Variants in REDIC1 observed in about 807,000 individuals in gnomAD.
REDIC1 encodes the protein regulator of DNA class I crossover intermediates 1.
the REDIC1 span, chr12:39,626,456 A>G: frequency 6.7e-7 from 1 of 1,493,516 alleles, no homozygotes; most frequent in South Asian, 1.2e-5. Flanking sequence ...GCTGGAAAGA[A>G]CTTGGTAGGA....
At chr12:39,830,210 C>G in the REDIC1 span, 1 of 1,613,186 alleles carries the variant, frequency 6.2e-7, no homozygotes, top group Admixed American at 1.7e-5. Flanking sequence ...CTGGATCCAA[C>G]ATACATTCAT....
chr12:39,740,645 C>G, the REDIC1 span, among the ~76,000 whole-genome samples: 1 of 151,992 alleles, frequency 6.6e-6, no homozygotes, highest in African/African-American at 2.4e-5. Context: ...ATCAGTGAGA[C>G]CCTGTGCTGT....
the REDIC1 span, among the ~76,000 whole-genome samples, chr12:39,906,561 T>C: frequency 1.3e-5 from 2 of 152,146 alleles, no homozygotes; most frequent in Non-Finnish European, 2.9e-5. Flanking sequence ...AAAGAAACCA[T>C]TTTATTTCAT....
chr12:39,634,338 C>T, the REDIC1 span, among the ~76,000 whole-genome samples: 3,070 of 151,992 alleles, frequency 0.02, 41 homozygotes, highest in Non-Finnish European at 0.028. Flanking sequence ...TGGGCTGAGA[C>T]GATTGGGTTT....
chr12:39,712,121 T>TATAA, the REDIC1 span, among the ~76,000 whole-genome samples: 1 of 141,132 alleles, frequency 7.1e-6, no homozygotes, highest in Non-Finnish European at 1.5e-5. Context: ...TACCTGTATA[T>TATAA]ATACCTGTAT....
At chr12:39,704,230 A>T in the REDIC1 span, among the ~76,000 whole-genome samples, 29 of 152,324 alleles carry the variant, frequency 1.9e-4, no homozygotes, top group African/African-American at 6.0e-4. Context: ...TTTACAAGAA[A>T]AAAAAACAAC....
At chr12:39,774,845 C>A in the REDIC1 span, among the ~76,000 whole-genome samples, 2 of 151,968 alleles carry the variant, frequency 1.3e-5, no homozygotes, top group Admixed American at 1.3e-4. Context: ...ACCTTATATA[C>A]CCCAAGTATG....
the REDIC1 span, among the ~76,000 whole-genome samples, chr12:39,811,900 TTCTG>T: frequency 6.6e-6 from 1 of 152,202 alleles, no homozygotes; most frequent in South Asian, 2.1e-4. Context: ...TTACTGGAGT[TTCTG>T]TCTTTTATTG....
the REDIC1 span, among the ~76,000 whole-genome samples, chr12:39,818,194 T>C: frequency 1.3e-5 from 2 of 151,758 alleles, no homozygotes; most frequent in African/African-American, 2.4e-5. Flanking sequence ...ACCCACAGAG[T>C]TCCTAAAATC....
At chr12:39,651,224 A>G in the REDIC1 span, among the ~76,000 whole-genome samples, 1 of 152,220 alleles carries the variant, frequency 6.6e-6, no homozygotes, top group Admixed American at 6.5e-5. Flanking sequence ...ATAAGAATGT[A>G]GTCTCTTGGT....
the REDIC1 span, among the ~76,000 whole-genome samples, chr12:39,627,154 A>G: frequency 2.1e-3 from 315 of 152,326 alleles, 1 homozygote; most frequent in Admixed American, 0.019. Flanking sequence ...TGAATTCTAA[A>G]GAATTTATCG....
chr12:39,874,874 T>C, the REDIC1 span, among the ~76,000 whole-genome samples: 1 of 152,192 alleles, frequency 6.6e-6, no homozygotes, highest in Non-Finnish European at 1.5e-5. Context: ...GAAGCCTATT[T>C]CAAATCATTA....
chr12:39,705,149 G>A, the REDIC1 span, among the ~76,000 whole-genome samples: 1 of 151,868 alleles, frequency 6.6e-6, no homozygotes, highest in African/African-American at 2.4e-5. Context: ...GCTTATAACA[G>A]GAATTCAAAG....
At chr12:39,787,704 A>G in the REDIC1 span, among the ~76,000 whole-genome samples, 1 of 151,182 alleles carries the variant, frequency 6.6e-6, no homozygotes, top group Non-Finnish European at 1.5e-5. Context: ...ATGCAAATGA[A>G]TAAATAGCAA....
the REDIC1 span, among the ~76,000 whole-genome samples, chr12:39,895,884 G>A: frequency 0.48 from 2,572 of 5,402 alleles, 1,024 homozygotes; most frequent in Middle Eastern, 0.75. Context: ...ATATGTATAT[G>A]CGTGTATATG....
At chr12:39,737,988 C>T in the REDIC1 span, among the ~76,000 whole-genome samples, 14 of 152,048 alleles carry the variant, frequency 9.2e-5, no homozygotes, top group Non-Finnish European at 1.5e-4. Flanking sequence ...ATTTCAGTAA[C>T]ACAGAGAATA....
At chr12:39,699,225 G>C in the REDIC1 span, among the ~76,000 whole-genome samples, 2 of 152,146 alleles carry the variant, frequency 1.3e-5, no homozygotes, top group African/African-American at 2.4e-5. Flanking sequence ...GACAGTGGGC[G>C]CAGGTCAGTG....
the REDIC1 span, among the ~76,000 whole-genome samples, chr12:39,885,393 A>G: frequency 6.6e-6 from 1 of 152,176 alleles, no homozygotes; most frequent in East Asian, 1.9e-4. Context: ...TTATTCAGTC[A>G]TCTAACATGT....
At chr12:39,899,079 T>C in the REDIC1 span, among the ~76,000 whole-genome samples, 1 of 152,248 alleles carries the variant, frequency 6.6e-6, no homozygotes, top group African/African-American at 2.4e-5. Context: ...CTTGTACCTC[T>C]GGTAGAATTC....
Sources: gnomAD v4.1 joint callset for allele counts (sites outside exome capture counted in the v4.1 genomes callset) on GRCh38, gnomAD v4.1.1 for gene constraint, MANE v1.5 for transcripts, NCBI Gene and HGNC (gene_info 2026-07-23, HGNC 2026-07-21) for gene names.